The following CELSR1 variants were observed in gnomAD, a reference collection of about 807,000 sequenced individuals.
The protein encoded by CELSR1 is cadherin EGF LAG seven-pass G-type receptor 1, also known as adhesion G protein-coupled receptor C1.
A neutral mutation model predicts 249.1 loss-of-function variants in CELSR1; 110 were observed. The observed-to-expected ratio is 0.44, with a 90% CI of 0.38 to 0.52. The LOEUF (loss-of-function observed/expected upper bound fraction) is 0.52. Among genes scored for constraint, CELSR1 ranks in the 20% least tolerant of loss-of-function variants. The pLI is 0.00. For synonymous variants in CELSR1, 2,113 were observed against 1,900.0 expected, an observed-to-expected ratio of 1.11 and a Z score of -2.92; for missense variants, 4,109 against 4,296.4, an observed-to-expected ratio of 0.96 and a Z score of 1.22.
rs1291863138 is a variant in CELSR1, at chr22:46,433,314, C to T, written c.4611+79G>A. ...CCTCTCAAAGTGCTGGGATTACAGGCGTGAGCCACTGCGCCTCGCCCCAGG... is the reference window on the plus strand; with the variant it reads ...CCTCTCAAAGTGCTGGGATTACAGGTGTGAGCCACTGCGCCTCGCCCCAGG... On this transcript the variant is annotated intron_variant, in intron 5 of 34. Coordinates refer to ENST00000674500, the MANE Select transcript of CELSR1 (RefSeq NM_001378328.1). The surrounding 1 kb of genome is among the most constrained non-coding windows in gnomAD (Gnocchi z 5.7). The T allele has an allele frequency of 2.1e-5, 22 of 1,062,946 alleles. No homozygotes were observed. Among genetic ancestry groups the T allele is most frequent in the South Asian group, 5.5e-5 (4 of 73,130 alleles). 65.8% of individuals were successfully genotyped at this position (1,062,946 alleles called of 1,614,324 possible).
intron 1 of CELSR1, among the ~76,000 whole-genome samples, chr22:46,523,546 AT>A (rs2080706887): frequency 6.6e-6 from 1 of 151,332 alleles, no homozygotes; most frequent in Non-Finnish European, 1.5e-5. Context: ...AAATAAATAA[AT>A]AAATAAATAA....
chr22:46,489,327 A>T (rs573295775), intron 1 of CELSR1, among the ~76,000 whole-genome samples: 58 of 151,626 alleles, frequency 3.8e-4, no homozygotes, highest in African/African-American at 1.3e-3. Context: ...GGCACTTTTG[A>T]CTATTAACCC....
chr22:46,436,557 T>G lies in CELSR1; in HGVS notation c.4407-268A>C, dbSNP rs935570924. On this transcript the variant is annotated intron_variant, in intron 3 of 34. Coordinates refer to ENST00000674500, the MANE Select transcript of CELSR1 (RefSeq NM_001378328.1). The surrounding 1 kb of genome is among the most constrained non-coding windows in gnomAD (Gnocchi z 5.9). ...CAAAAAATATCCCATTTGCACAACA[T>G]GCTACAAGTACGACCAGCGGCCAGG... 6.6e-6 allele frequency among the ~76,000 whole-genome samples: 1 copy of G among 152,134 alleles called. No homozygotes were observed. Among genetic ancestry groups the G allele is most frequent in the African/African-American group, 2.4e-5 (1 of 41,430 alleles).
rs771347991 is a variant in CELSR1 at position 46,391,310 on chromosome 22, C to G, written c.6149-23G>C. 93 of 1,605,978 alleles carry G rather than the reference C, an allele frequency of 5.8e-5. No homozygotes were observed. Among genetic ancestry groups the G allele is most frequent in the Non-Finnish European group, 7.8e-5 (91 of 1,173,818 alleles). ...TCACTGGGGTAGAGAAGAGAGAAGT[C>G]TGCTCAGCGGGGCACGCCACACCCA... On this transcript the variant is annotated intron_variant, in intron 15 of 34. Transcript: ENST00000674500. This position sits in a 1 kb window ranked among gnomAD's most constrained non-coding sequence, Gnocchi z 4.3.
Position 46,380,819 on chromosome 22 carries a change from G to C in CELSR1, c.7225C>G (p.Pro2409Ala). The change falls in exon 22 of 35, where the codon CCT becomes GCT. Residue 2409 changes from proline to alanine, a missense_variant. Coordinates refer to ENST00000674500, the MANE Select transcript of CELSR1 (RefSeq NM_001378328.1). The surrounding 1 kb of genome is among the most constrained non-coding windows in gnomAD (Gnocchi z 5.1). The part of the protein sequence containing the change: ...ALLEVEERTK[P>A]VCVFWNHSLA... ...GAGTGGTTCCAGAACACGCAGACAG[G>C]CTTGGTTCGCTCCTCCACCTCCAGC... 6.2e-7 allele frequency: 1 copy of C among 1,612,082 alleles called. No homozygotes were observed. Among genetic ancestry groups the C allele is most frequent in the South Asian group, 1.1e-5 (1 of 91,068 alleles).
rs952788690 is a variant in CELSR1 at position 46,440,666 on chromosome 22, C to T, written c.4184-1255G>A. Among the ~76,000 whole-genome samples, 7 of 152,114 alleles carry T rather than the reference C, an allele frequency of 4.6e-5. No homozygotes were observed. Among genetic ancestry groups the T allele is most frequent in the South Asian group, 2.1e-4 (1 of 4,826 alleles). ...TTTGTCTTTCTGCTGGGTTTTTGGTCCTGCTCTTATTGTGTTATAGAAGCT... is the reference window on the plus strand; with the variant it reads ...TTTGTCTTTCTGCTGGGTTTTTGGTTCTGCTCTTATTGTGTTATAGAAGCT... On this transcript the variant is annotated intron_variant, in intron 2 of 34. Coordinates refer to ENST00000674500, the MANE Select transcript of CELSR1 (RefSeq NM_001378328.1). The surrounding 1 kb of genome is among the most constrained non-coding windows in gnomAD (Gnocchi z 4.7).
chr22:46,525,561 G>A (rs962063349), intron 1 of CELSR1, among the ~76,000 whole-genome samples: 1 of 152,144 alleles, frequency 6.6e-6, no homozygotes, highest in East Asian at 1.9e-4. Context: ...TACAGGAAAA[G>A]AAGAAAAAAT....
chr22:46,393,663 G>A lies in CELSR1; in HGVS notation c.5964+479C>T, dbSNP rs962240670. 4.6e-5 allele frequency among the ~76,000 whole-genome samples: 7 copies of A among 151,956 alleles called. No individual in the cohort carries two copies. The highest frequency in any genetic ancestry group is 7.4e-5 in the Non-Finnish European group (5 of 67,970). ...TGAGGCAGAAGAATTGCTGGAACCC[G>A]GGAGGCGGAGGCTGCAGTGAGCCGA... On this transcript the variant is annotated intron_variant, in intron 14 of 34. Coordinates refer to ENST00000674500, the MANE Select transcript of CELSR1 (RefSeq NM_001378328.1). This position sits in a 1 kb window ranked among gnomAD's most constrained non-coding sequence, Gnocchi z 4.1.
In CELSR1 at chr22:46,396,632, C is replaced by G. The variant is rs543404034; in HGVS notation, c.5816G>C (p.Ser1939Thr). 1 of 1,606,020 alleles carries G rather than the reference C, an allele frequency of 6.2e-7. No individual in the cohort carries two copies. The highest frequency in any genetic ancestry group is 1.7e-5 in the Admixed American group (1 of 59,042). ...GTTCTCACAGTACGGCCCGTAGTGA[C>G]TGGGCCCACACTCGCACACGTAGCC... is the stretch of plus-strand genomic sequence containing the variant. Reference protein sequence around the residue: ...PQGYVCECGPSHYGPYCENKL... With the variant: ...PQGYVCECGPTHYGPYCENKL... Residue 1939 changes from serine (S) to threonine (T), a missense_variant, in exon 13 of 35, where the codon AGT becomes ACT. Around this residue, in one of 7 missense-constraint regions of CELSR1, gnomAD observed 1,805 missense variants for 1,831.6 expected, o/e 0.99. Coordinates refer to ENST00000674500, the MANE Select transcript of CELSR1 (RefSeq NM_001378328.1). The surrounding 1 kb of genome is among the most constrained non-coding windows in gnomAD (Gnocchi z 6.4).
chr22:46,423,832 C>CGTG lies in CELSR1; in HGVS notation c.4611+9558_4611+9560dup, dbSNP rs1569153309. Among the ~76,000 whole-genome samples, 5 of 151,632 alleles carry CGTG rather than the reference C, an allele frequency of 3.3e-5. No homozygotes were observed. ...ACTAAAAATACCAAAATTAGCCAGG[C>CGTG]GTGGTGGTGGTGCGCACCTGTAATC... On this transcript the variant is annotated intron_variant, in intron 5 of 34. Coordinates refer to ENST00000674500, the MANE Select transcript of CELSR1 (RefSeq NM_001378328.1). This position sits in a 1 kb window ranked among gnomAD's most constrained non-coding sequence, Gnocchi z 5.6.
chr22:46,447,747 G>A lies in CELSR1; in HGVS notation c.4184-8336C>T, dbSNP rs1244581490. ...CGATTCTCCTGCCTCAGCCTCCCGA[G>A]TTGCTGGGATTACAGGTGCACACCA... On this transcript the variant is annotated intron_variant, in intron 2 of 34. Coordinates refer to ENST00000674500, the MANE Select transcript of CELSR1 (RefSeq NM_001378328.1). The surrounding 1 kb of genome is among the most constrained non-coding windows in gnomAD (Gnocchi z 4.7). Among the ~76,000 whole-genome samples the A allele has an allele frequency of 1.3e-5, 2 of 152,134 alleles. No individual in the cohort carries two copies. The highest frequency in any genetic ancestry group is 2.9e-5 in the Non-Finnish European group (2 of 68,024).
At chr22:46,522,292 A>AT (rs1385612718) in intron 1 of CELSR1, among the ~76,000 whole-genome samples, 3 of 152,042 alleles carry the variant, frequency 2.0e-5, no homozygotes, top group Admixed American at 1.3e-4. Flanking sequence ...CACCCAGCTA[A>AT]TTTTTTTATA....
At chr22:46,516,386 T>A (rs553897336) in intron 1 of CELSR1, among the ~76,000 whole-genome samples, 2 of 151,672 alleles carry the variant, frequency 1.3e-5, no homozygotes, top group African/African-American at 4.9e-5. Flanking sequence ...ATGTTCTCAC[T>A]CATAGGTGGG....
chr22:46,422,289 G>A (rs1321965179), intron 5 of CELSR1, among the ~76,000 whole-genome samples: 2 of 151,902 alleles, frequency 1.3e-5, no homozygotes, highest in Non-Finnish European at 2.9e-5. Flanking sequence ...TGTATTTTTA[G>A]TAGAGATGGG....
chr22:46,432,025 C>T (rs992678138), intron 5 of CELSR1, among the ~76,000 whole-genome samples: 4 of 152,244 alleles, frequency 2.6e-5, no homozygotes, highest in Admixed American at 1.3e-4. Flanking sequence ...GCTCCCAAAC[C>T]TCACCAGCAC....
In CELSR1 at chr22:46,393,534, T is replaced by TC. The variant is rs757266450; in HGVS notation, c.5964+607dup. Among the ~76,000 whole-genome samples the TC allele has an allele frequency of 2.0e-5, 3 of 151,842 alleles. No individual in the cohort carries two copies. Among genetic ancestry groups the TC allele is most frequent in the Admixed American group, 6.6e-5 (1 of 15,242 alleles). The stretch of plus-strand genomic sequence containing the variant: ...GGGCGGATCACCTGAGGTCAGGAGT[T>TC]CAAGACCAGCCTGGCCAACATGGTG... On this transcript the variant is annotated intron_variant, in intron 14 of 34. Transcript: ENST00000674500. This position sits in a 1 kb window ranked among gnomAD's most constrained non-coding sequence, Gnocchi z 4.1.
chr22:46,380,898 C>T lies in CELSR1; in HGVS notation c.7146G>A (p.Glu2382=), dbSNP rs753291911. The T allele has an allele frequency of 1.1e-5, 18 of 1,613,474 alleles. No individual in the cohort carries two copies. In the Admixed American group the frequency reaches 2.0e-4, roughly 18 times the overall value. Residue 2382 remains glutamate, a synonymous_variant, in exon 22 of 35, where the codon GAG becomes GAA. Coordinates refer to ENST00000674500, the MANE Select transcript of CELSR1 (RefSeq NM_001378328.1). The surrounding 1 kb of genome is among the most constrained non-coding windows in gnomAD (Gnocchi z 5.1). ...TPMVSTLVYS[E]GAPLPRPLER... Reference sequence around the variant, plus strand: ...CCAGGGGTCTCGGGAGCGGAGCCCCCTCGCTGTACACCAGCGTGCTCACCA... The same window carrying T: ...CCAGGGGTCTCGGGAGCGGAGCCCCTTCGCTGTACACCAGCGTGCTCACCA...
chr22:46,533,916 G>T lies in CELSR1; in HGVS notation c.3255C>A (p.Ala1085=). The T allele has an allele frequency of 6.2e-7, 1 of 1,613,126 alleles. No homozygotes were observed. Among genetic ancestry groups the T allele is most frequent in the Non-Finnish European group, 8.5e-7 (1 of 1,180,004 alleles). Residue 1085 remains alanine (A), a synonymous_variant, in exon 1 of 35, where the codon GCC becomes GCA. Transcript: ENST00000674500. ...GGTCCACGAGAAGGATGTGCACCGT[G>T]GCTCGGCTCACCAGCGGAGCCGACG... ...QATSAPLVSR[A]TVHILLVDQN...
At chr22:46,515,185 A>G (rs1431432821) in intron 1 of CELSR1, among the ~76,000 whole-genome samples, 1 of 152,124 alleles carries the variant, frequency 6.6e-6, no homozygotes, top group East Asian at 1.9e-4. Context: ...CCACCCGTGC[A>G]TCAGCCCTCT....
Sources: allele counts gnomAD v4.1 joint callset (sites outside exome capture counted in the v4.1 genomes callset), GRCh38; gene constraint gnomAD v4.1.1; regional missense constraint gnomAD v4.1.1; non-coding constraint Gnocchi (gnomAD v3.1); transcripts MANE v1.5; gene names NCBI Gene and HGNC (gene_info 2026-07-23, HGNC 2026-07-21).